CLIP2: variants seen among roughly 807,000 people sequenced by gnomAD.
The protein encoded by CLIP2 is CAP-Gly domain-containing linker protein 2.
CLIP2 carries 41 observed loss-of-function variants against 111.7 expected under a neutral mutation model. The ratio of observed to expected loss-of-function variants is 0.37; its 90% CI spans 0.29 to 0.48. CLIP2 has a LOEUF of 0.48. Ranked by LOEUF, CLIP2 falls within the 20% of genes least tolerant of loss-of-function variation. CLIP2 has a pLI of 0.99. For synonymous variants in CLIP2, 660 were observed against 644.2 expected (o/e 1.02, Z -0.37); for missense variants, 1,160 against 1,422.1 (o/e 0.82, Z 2.96).
intron 1 of CLIP2, among the ~76,000 whole-genome samples, chr7:74,310,654 T>G (rs1213011914): frequency 3.3e-5 from 5 of 152,196 alleles, no homozygotes; most frequent in African/African-American, 4.8e-5. Flanking sequence ...AAACTTTCTA[T>G]GGACACATAT....
chr7:74,345,380 A>G (rs1789774129), intron 3 of CLIP2, among the ~76,000 whole-genome samples: 1 of 151,912 alleles, frequency 6.6e-6, no homozygotes. Flanking sequence ...GATTACAGGC[A>G]TGCGCCACCC....
chr7:74,308,286 G>T (rs1346204227), intron 1 of CLIP2, among the ~76,000 whole-genome samples: 2 of 152,142 alleles, frequency 1.3e-5, no homozygotes, highest in African/African-American at 4.8e-5. Flanking sequence ...CAGGGACAGG[G>T]TTCTCACGCC....
In CLIP2 at chr7:74,338,727, C is replaced by A; in HGVS notation, c.401C>A (p.Ala134Asp). Residue 134 changes from alanine to aspartate, a missense_variant, in exon 3 of 17, where the codon GCC becomes GAC. Ala to Asp is a moderately radical substitution (Grantham distance 126). Around this residue, in one of 5 missense-constraint regions of CLIP2, gnomAD observed 301 missense variants for 315.2 expected, o/e 0.96. Coordinates refer to ENST00000223398, the MANE Select transcript of CLIP2 (RefSeq NM_003388.5). This position sits in a 1 kb window ranked among gnomAD's most constrained non-coding sequence, Gnocchi z 4.3. ...VGGVRYFECP[A>D]LQGIFTRPSK... ...GGCGTGCGCTACTTCGAGTGCCCGG[C>A]CCTCCAGGGTATCTTCACGCGGCCC... The A allele has an allele frequency of 6.3e-7, 1 of 1,594,002 alleles. No individual in the cohort carries two copies. Among genetic ancestry groups the A allele is most frequent in the Non-Finnish European group, 8.5e-7 (1 of 1,173,472 alleles).
intron 8 of CLIP2, among the ~76,000 whole-genome samples, chr7:74,369,113 G>A (rs1219519688): frequency 6.6e-6 from 1 of 152,050 alleles, no homozygotes; most frequent in Non-Finnish European, 1.5e-5. Context: ...CACTTTGGGA[G>A]GCCAAGGCAG....
At chr7:74,339,419 T>C (rs1165925623) in intron 3 of CLIP2, among the ~76,000 whole-genome samples, 1 of 151,994 alleles carries the variant, frequency 6.6e-6, no homozygotes, top group Non-Finnish European at 1.5e-5. Context: ...AATTCTCCTG[T>C]CTCACCCTCC....
At chr7:74,349,260 G>A (rs1442732386) in intron 3 of CLIP2, among the ~76,000 whole-genome samples, 1 of 150,900 alleles carries the variant, frequency 6.6e-6, no homozygotes, top group Non-Finnish European at 1.5e-5. Context: ...GAAAAACCCC[G>A]TCTCTACTAA....
intron 8 of CLIP2, 62 bp downstream of exon 8, chr7:74,364,377 C>T: frequency 6.8e-7 from 1 of 1,473,958 alleles, no homozygotes; most frequent in Non-Finnish European, 9.4e-7. Context: ...CTTGCTAGGG[C>T]AGATGGTTGT....
rs1789569630 is a variant in CLIP2, at chr7:74,338,944, C to T, written c.618C>T (p.Leu206=). 1.9e-6 allele frequency: 3 copies of T among 1,600,252 alleles called. No individual in the cohort carries two copies. Among genetic ancestry groups the T allele is most frequent in the Non-Finnish European group, 2.5e-6 (3 of 1,179,878 alleles). ...CTGGCAACGAGTCGGGATCCAACCT[C>T]TCAGACAGCGGCTCTGTGAAGCGGG... ...VKTGNESGSN[L]SDSGSVKRGE... is the part of the protein sequence containing the mutation. Residue 206 remains leucine, a synonymous_variant, in exon 3 of 17, where the codon CTC becomes CTT. Coordinates refer to ENST00000223398, the MANE Select transcript of CLIP2 (RefSeq NM_003388.5). This position sits in a 1 kb window ranked among gnomAD's most constrained non-coding sequence, Gnocchi z 4.3.
At chr7:74,311,244 G>T (rs782404829) in intron 1 of CLIP2, among the ~76,000 whole-genome samples, 4 of 152,146 alleles carry the variant, frequency 2.6e-5, no homozygotes, top group Non-Finnish European at 5.9e-5. Flanking sequence ...CTCCCAAAGT[G>T]CCGGGATTAC....
intron 1 of CLIP2, among the ~76,000 whole-genome samples, chr7:74,299,592 G>T (rs532606507): frequency 3.6e-4 from 55 of 152,286 alleles, no homozygotes; most frequent in African/African-American, 1.3e-3. Context: ...TGCCACTCAG[G>T]GACCAGGCCT....
At position 74,338,421 on chromosome 7, in the gene CLIP2, T is replaced by C; in HGVS notation, c.122-27T>C. 3 of 1,607,636 alleles carry C rather than the reference T, an allele frequency of 1.9e-6. No homozygotes were observed. The highest frequency in any genetic ancestry group is 8.5e-7 in the Non-Finnish European group (1 of 1,177,916). ...AGGGGCCAGCCCTAACAGCCACCTC[T>C]TTCCCTTTCCCTCTCCTTCTCTGCA... On this transcript the variant is annotated intron_variant, in intron 2 of 16. Coordinates refer to ENST00000223398, the MANE Select transcript of CLIP2 (RefSeq NM_003388.5). This position sits in a 1 kb window ranked among gnomAD's most constrained non-coding sequence, Gnocchi z 4.3.
chr7:74,375,336 G>A (rs1354016917), intron 9 of CLIP2, among the ~76,000 whole-genome samples: 1 of 151,626 alleles, frequency 6.6e-6, no homozygotes, highest in Non-Finnish European at 1.5e-5. Flanking sequence ...ATCACTTGAG[G>A]CTAGGAGTTC....
chr7:74,343,925 G>A lies in CLIP2; in HGVS notation c.678+4921G>A, dbSNP rs562588674. On this transcript the variant is annotated intron_variant, in intron 3 of 16. Coordinates refer to ENST00000223398, the MANE Select transcript of CLIP2 (RefSeq NM_003388.5). ...CTTAAAAAAAAAAGAGAGAGAGAGA[G>A]AACTGGTGGATGTGAGGATGAGTCA... is the stretch of plus-strand genomic sequence containing the variant. Among the ~76,000 whole-genome samples, 3 of 151,952 alleles carry A rather than the reference G, an allele frequency of 2.0e-5. No individual in the cohort carries two copies. The South Asian group carries it at 6.3e-4, about 32-fold the overall frequency.
At chr7:74,384,278 A>G (rs961092953) in intron 11 of CLIP2, among the ~76,000 whole-genome samples, 5 of 152,000 alleles carry the variant, frequency 3.3e-5, no homozygotes, top group African/African-American at 4.8e-5. Context: ...GACATACCGC[A>G]TTTTGTTGAT....
At chr7:74,364,133 A>G in intron 7 of CLIP2, 122 bp from the exon 8 acceptor site, 2 of 817,398 alleles carry the variant, frequency 2.4e-6, no homozygotes, top group Admixed American at 2.4e-5. Flanking sequence ...GGACATTTTG[A>G]TGGCCTCGCC....
At chr7:74,336,868 T>G (rs573001057) in intron 2 of CLIP2, among the ~76,000 whole-genome samples, 2 of 22,856 alleles carry the variant, frequency 8.8e-5, no homozygotes, top group Admixed American at 5.8e-4. Context: ...TTGTTTTTTT[T>G]TTTTTTGTTT....
chr7:74,343,301 G>A (rs77292517), intron 3 of CLIP2, among the ~76,000 whole-genome samples: 2,551 of 152,126 alleles, frequency 0.017, 33 homozygotes, highest in Non-Finnish European at 0.028. Flanking sequence ...TTTTGGGACC[G>A]TCACTCTGCT....
intron 1 of CLIP2, among the ~76,000 whole-genome samples, chr7:74,298,612 G>A (rs1054565378): frequency 8.6e-5 from 13 of 151,664 alleles, no homozygotes; most frequent in African/African-American, 2.4e-4. Flanking sequence ...GGCTCACTGC[G>A]GCCTCCGCCT....
chr7:74,403,738 C>G (rs564667749), intron 16 of CLIP2, 99 bp from the exon 17 acceptor site: 15 of 1,235,698 alleles, frequency 1.2e-5, no homozygotes, highest in African/African-American at 5.9e-5. Flanking sequence ...GCTCCTCCCC[C>G]ACCCGGCCCC....
Sources: gnomAD v4.1 joint callset for allele counts (sites outside exome capture counted in the v4.1 genomes callset) on GRCh38, gnomAD v4.1.1 for gene constraint, gnomAD v4.1.1 regional missense constraint, Gnocchi (gnomAD v3.1) non-coding constraint, MANE v1.5 for transcripts, NCBI Gene and HGNC (gene_info 2026-07-23, HGNC 2026-07-21) for gene names.